The following PLXNB3 variants were observed in gnomAD, a reference collection of about 807,000 sequenced individuals.
PLXNB3 encodes plexin-B3.
A neutral mutation model predicts 125.7 loss-of-function variants in PLXNB3; 80 were observed. That is an observed-to-expected ratio of 0.64 (90% CI 0.53 to 0.77). The LOEUF is 0.77. PLXNB3 is among the 30% of genes least tolerant of loss of function. The pLI, the probability that PLXNB3 is intolerant of heterozygous loss-of-function variation, is 0.00. For missense variants in PLXNB3, 1,836 were observed against 1,729.3 expected (o/e 1.06, Z -1.09); for synonymous variants, 954 against 783.3 (o/e 1.22, Z -3.64).
chrX:153,770,479 G>A, intron 9 of PLXNB3, 33 bp downstream of exon 9: 5 of 1,198,309 alleles, frequency 4.2e-6, no homozygotes, highest in Non-Finnish European at 5.6e-6. Flanking sequence ...TGGGGTAGGG[G>A]TGGCGACCCC....
intron 1 of PLXNB3, among the ~76,000 whole-genome samples, 199 bp downstream of exon 1, chrX:153,764,503 G>A (rs1196812592): frequency 8.9e-6 from 1 of 112,939 alleles, no homozygotes; most frequent in Non-Finnish European, 1.9e-5. Context: ...AGGAGGTGGG[G>A]AACCATGTTT....
intron 2 of PLXNB3, chrX:153,766,275 T>C: frequency 8.6e-7 from 1 of 1,165,794 alleles, no homozygotes; most frequent in Non-Finnish European, 1.1e-6. Context: ...CCTGGCTCTT[T>C]CCCCCAGCTG....
Position 153,775,962 on chromosome X carries a change from G to A in PLXNB3, c.4477G>A (p.Val1493Met), listed in dbSNP as rs2091981219. 4 of 1,210,125 alleles carry A rather than the reference G, an allele frequency of 3.3e-6. No individual in the cohort carries two copies. Among genetic ancestry groups the A allele is most frequent in the African/African-American group, 3.5e-5 (2 of 57,556 alleles). ...YQVDKGPVDAVTGKAKRTLND... is the reference protein window; with the variant it reads ...YQVDKGPVDAMTGKAKRTLND... ...GGTGGACAAAGGCCCCGTGGACGCCGTGACAGGCAAGGCCAAACGGACCCT... is the reference window on the plus strand; with the variant it reads ...GGTGGACAAAGGCCCCGTGGACGCCATGACAGGCAAGGCCAAACGGACCCT... Residue 1493 changes from valine (V) to methionine (M), a missense_variant, in exon 27 of 36, where the codon GTG becomes ATG. Physicochemically the swap from Val to Met is conservative, Grantham distance 21. Transcript: ENST00000361971.
chrX:153,766,427 C>T (rs1194364598), intron 2 of PLXNB3: 1 of 1,078,978 alleles, frequency 9.3e-7, no homozygotes, highest in Non-Finnish European at 1.2e-6. Context: ...CAGGGGCGCG[C>T]TGTGACACAG....
Position 153,774,051 on chromosome X carries a change from C to T in PLXNB3, c.3472C>T (p.Pro1158Ser). The T allele has an allele frequency of 8.4e-7, 1 of 1,189,290 alleles. No individual in the cohort carries two copies. Among genetic ancestry groups the T allele is most frequent in the Non-Finnish European group, 1.1e-6 (1 of 884,211 alleles). Residue 1158 changes from proline to serine, a missense_variant, in exon 20 of 36, where the codon CCT (proline) becomes TCT (serine). Pro to Ser is a moderately conservative substitution (Grantham distance 74). Transcript: ENST00000361971. Reference sequence around the variant, plus strand: ...CCTGGCACCCCTCAGCCGCGAGGGGCCTGCCCGCCCCTACCGCCTCAAGCC... The same window carrying T: ...CCTGGCACCCCTCAGCCGCGAGGGGTCTGCCCGCCCCTACCGCCTCAAGCC... ...PRLAPLSREG[P>S]ARPYRLKPGH...
intron 2 of PLXNB3, chrX:153,766,343 T>C: frequency 8.8e-7 from 1 of 1,141,214 alleles, no homozygotes. Context: ...TCTCTCCCTG[T>C]CTGGTCCCTT....
intron 2 of PLXNB3, chrX:153,766,420 G>A: frequency 3.7e-6 from 4 of 1,075,284 alleles, no homozygotes; most frequent in Non-Finnish European, 4.8e-6. Context: ...GTGGGCGCAG[G>A]GGCGCGCTGT....
intron 7 of PLXNB3, 64 bp downstream of exon 7, chrX:153,770,003 G>A (rs1027698724): frequency 2.5e-5 from 30 of 1,187,066 alleles, no homozygotes; most frequent in South Asian, 5.6e-5. Context: ...CATGAACCCC[G>A]CCTGCCTCCC....
Position 153,777,941 on chromosome X carries a change from C to T in PLXNB3, c.5262-7C>T, listed in dbSNP as rs1557065063. 12 of 1,203,824 alleles carry T rather than the reference C, an allele frequency of 1.0e-5. No individual in the cohort carries two copies. The highest frequency in any genetic ancestry group is 1.7e-5 in the African/African-American group (1 of 58,000). ...GCCTCACGCCCACGCCTGCCCTGCGCCCCCAGTCTGCTGCTGCGGTTCTGG... is the reference window on the plus strand; with the variant it reads ...GCCTCACGCCCACGCCTGCCCTGCGTCCCCAGTCTGCTGCTGCGGTTCTGG... On this transcript the variant is annotated splice_region_variant and splice_polypyrimidine_tract_variant and intron_variant, in intron 31 of 35. Coordinates refer to ENST00000361971, the MANE Select transcript of PLXNB3 (RefSeq NM_005393.3).
rs2091981121 is a variant in PLXNB3, at chrX:153,775,951, C to T, written c.4466C>T (p.Pro1489Leu). Residue 1489 changes from proline to leucine, a missense_variant, in exon 27 of 36, where the codon CCC becomes CTC. Coordinates refer to ENST00000361971, the MANE Select transcript of PLXNB3 (RefSeq NM_005393.3). ...RAIQYQVDKG[P>L]VDAVTGKAKR... Reference sequence around the variant, plus strand: ...ATCCAGTACCAGGTGGACAAAGGCCCCGTGGACGCCGTGACAGGCAAGGCC... The same window carrying T: ...ATCCAGTACCAGGTGGACAAAGGCCTCGTGGACGCCGTGACAGGCAAGGCC... The T allele has an allele frequency of 1.7e-6, 2 of 1,210,064 alleles. No individual in the cohort carries two copies. The highest frequency in any genetic ancestry group is 3.5e-5 in the African/African-American group (2 of 57,519).
Position 153,778,953 on chromosome X carries a change from G to A in PLXNB3, c.5644G>A (p.Glu1882Lys), listed in dbSNP as rs1603251867. 1 of 1,189,598 alleles carries A rather than the reference G, an allele frequency of 8.4e-7. No homozygotes were observed. Among genetic ancestry groups the A allele is most frequent in the Non-Finnish European group, 1.1e-6 (1 of 885,037 alleles). Residue 1882 changes from glutamate (E) to lysine (K), a missense_variant, in exon 36 of 36, where the codon GAG becomes AAG. Glu to Lys is a moderately conservative substitution (Grantham distance 56, BLOSUM62 1). Transcript: ENST00000361971. ...YYDQIISALE[E>K]DPVGQKLQLA... Reference sequence around the variant, plus strand: ...CGGGCAGATTATCAGTGCCCTGGAGGAGGACCCTGTGGGCCAGAAGCTGCA... The same window carrying A: ...CGGGCAGATTATCAGTGCCCTGGAGAAGGACCCTGTGGGCCAGAAGCTGCA...
At chrX:153,766,592 A>C in intron 2 of PLXNB3, 1 of 1,043,335 alleles carries the variant, frequency 9.6e-7, no homozygotes, top group South Asian at 3.0e-5. Context: ...AAAGTAGGAG[A>C]TGAAAGAATT....
intron 9 of PLXNB3, 37 bp downstream of exon 9, chrX:153,770,483 C>A: frequency 8.3e-7 from 1 of 1,199,627 alleles, no homozygotes; most frequent in Non-Finnish European, 1.1e-6. Context: ...GTAGGGGTGG[C>A]GACCCCAGAG....
At chrX:153,768,020 G>A in intron 3 of PLXNB3, 107 bp downstream of exon 3, 1 of 891,680 alleles carries the variant, frequency 1.1e-6, no homozygotes, top group Non-Finnish European at 1.5e-6. Context: ...TCTCAGCCAG[G>A]GGTCAGCTGA....
At position 153,775,315 on chromosome X, in the gene PLXNB3, C is replaced by T; in HGVS notation, c.4246C>T (p.Leu1416=). Residue 1416 remains leucine (L), a synonymous_variant, in exon 25 of 36, where the codon CTG becomes TTG. Coordinates refer to ENST00000361971, the MANE Select transcript of PLXNB3 (RefSeq NM_005393.3). The part of the protein sequence containing the change: ...SLLSLALHGK[L]EYLTDIMRTL... ...GCTGTCGCTAGCGCTACACGGCAAG[C>T]TGGAGTACCTGACGGACATCATGAG... 1 of 1,210,099 alleles carries T rather than the reference C, an allele frequency of 8.3e-7. No individual in the cohort carries two copies. Among genetic ancestry groups the T allele is most frequent in the East Asian group, 3.0e-5 (1 of 33,836 alleles).
chrX:153,775,452 C>G (rs1557063744), intron 25 of PLXNB3, 49 bp downstream of exon 25: 1 of 1,179,183 alleles, frequency 8.5e-7, no homozygotes, highest in Non-Finnish European at 1.2e-6. Context: ...TTGCCACAGA[C>G]CTGCCCCCAT....
intron 28 of PLXNB3, 32 bp downstream of exon 28, chrX:153,776,491 G>T: frequency 1.9e-6 from 1 of 535,724 alleles, no homozygotes; most frequent in Non-Finnish European, 3.0e-6. Context: ...GGCAGGGCGG[G>T]GCTGGGGCGG....
chrX:153,772,021 G>T lies in PLXNB3; in HGVS notation c.2669+6G>T. The T allele has an allele frequency of 8.4e-7, 1 of 1,185,765 alleles. No individual in the cohort carries two copies. The highest frequency in any genetic ancestry group is 1.1e-6 in the Non-Finnish European group (1 of 880,841). On this transcript the variant is annotated splice_donor_region_variant and intron_variant, in intron 15 of 35. Transcript: ENST00000361971. ...CTCTACCGCACGTCGGCCCGGTGAG[G>T]CACTTGGAGGGTGAAGATGGGTGGG...
At chrX:153,772,734 C>G in intron 16 of PLXNB3, 152 bp from the exon 17 acceptor site, 1 of 1,036,923 alleles carries the variant, frequency 9.6e-7, no homozygotes. Context: ...TGTGCAGTGG[C>G]CTCGGGAAGG....
Sources: gnomAD v4.1 joint callset for allele counts (sites outside exome capture counted in the v4.1 genomes callset) on GRCh38, gnomAD v4.1.1 for gene constraint, MANE v1.5 for transcripts, NCBI Gene and HGNC (gene_info 2026-07-23, HGNC 2026-07-21) for gene names.